ACOT7: variants seen among roughly 807,000 people sequenced by gnomAD.
The protein encoded by ACOT7 is acyl-CoA thioesterase 7, also known as cytosolic acyl coenzyme A thioester hydrolase.
A neutral mutation model predicts 40.2 loss-of-function variants in ACOT7; 12 were observed. The ratio of observed to expected loss-of-function variants is 0.30; its 90% CI spans 0.19 to 0.48. The LOEUF (loss-of-function observed/expected upper bound fraction) is 0.48. ACOT7 is among the 20% of genes least tolerant of loss of function. The pLI, the probability that ACOT7 is intolerant of heterozygous loss-of-function variation, is 0.99. For synonymous variants in ACOT7, 228 were observed against 219.5 expected, an observed-to-expected ratio of 1.04 and a Z score of -0.34; for missense variants, 395 against 530.8, an observed-to-expected ratio of 0.74 and a Z score of 2.51.
At chr1:6,318,399 A>G in intron 6 of ACOT7, 93 bp downstream of exon 6, 1 of 1,359,082 alleles carries the variant, frequency 7.4e-7, no homozygotes, top group South Asian at 1.2e-5. Flanking sequence ...CAAACACAAG[A>G]GCCTCAAGTG....
intron 1 of ACOT7, among the ~76,000 whole-genome samples, chr1:6,360,012 GA>G (rs1641852470): frequency 6.6e-6 from 1 of 152,266 alleles, no homozygotes; most frequent in Admixed American, 6.5e-5. Context: ...CTGAGCCTGG[GA>G]AGTCACTCTG....
At chr1:6,341,740 T>C (rs866097738) in intron 2 of ACOT7, among the ~76,000 whole-genome samples, 91 of 151,480 alleles carry the variant, frequency 6.0e-4, no homozygotes, top group African/African-American at 2.2e-3. Context: ...AGACTCCGTC[T>C]CAAAAAAAAA....
chr1:6,368,487 C>T (rs1223618172), intron 1 of ACOT7, among the ~76,000 whole-genome samples: 1 of 152,222 alleles, frequency 6.6e-6, no homozygotes, highest in Non-Finnish European at 1.5e-5. Flanking sequence ...ACCCCAGGCC[C>T]AGCTCCACCT....
intron 2 of ACOT7, among the ~76,000 whole-genome samples, chr1:6,346,364 A>T (rs1641421237): frequency 6.6e-6 from 1 of 152,230 alleles, no homozygotes; most frequent in Non-Finnish European, 1.5e-5. Flanking sequence ...AGCTTCCCAA[A>T]GTGCTGGGAT....
chr1:6,270,012 G>T (rs889879249), intron 8 of ACOT7, among the ~76,000 whole-genome samples: 1 of 152,274 alleles, frequency 6.6e-6, no homozygotes, highest in East Asian at 1.9e-4. Context: ...ACCACCCAGG[G>T]GGAGGTGGAA....
rs1413748241 is a variant in ACOT7 at position 6,294,087 on chromosome 1, G to T, written c.829+777C>A. On this transcript the variant is annotated intron_variant, in intron 7 of 8. Transcript: ENST00000361521. The surrounding 1 kb of genome is among the most constrained non-coding windows in gnomAD (Gnocchi z 4.6). ...TCCTCCAACAAGCCGCTTTAATGAG[G>T]TGGTGTCCTCAGAATCAGCACCAGG... Among the ~76,000 whole-genome samples, 1 of 152,230 alleles carries T rather than the reference G, an allele frequency of 6.6e-6. No homozygotes were observed. Among genetic ancestry groups the T allele is most frequent in the Non-Finnish European group, 1.5e-5 (1 of 68,044 alleles).
intron 6 of ACOT7, 26 bp from the exon 7 acceptor site, chr1:6,295,006 A>G (rs56235663): frequency 0.043 from 66,293 of 1,549,664 alleles, 1,645 homozygotes; most frequent in Non-Finnish European, 0.048. Flanking sequence ...CATGCGGCAG[A>G]TGAGACACGG....
At chr1:6,372,207 C>T (rs1317626674) in intron 1 of ACOT7, among the ~76,000 whole-genome samples, 1 of 152,216 alleles carries the variant, frequency 6.6e-6, no homozygotes, top group Non-Finnish European at 1.5e-5. Context: ...GAACCAACCT[C>T]TGTTAGCTTC....
rs934252282 is a variant in ACOT7 at position 6,306,528 on chromosome 1, G to T, written c.713-11548C>A. On this transcript the variant is annotated intron_variant, in intron 6 of 8. Coordinates refer to ENST00000361521, the MANE Select transcript of ACOT7 (RefSeq NM_007274.4). The surrounding 1 kb of genome is among the most constrained non-coding windows in gnomAD (Gnocchi z 4.3). ...GCTCCCCCGCTGAAGCATCAGGATG[G>T]ACGTGAAGCTGTTCTTCAGAACAGA... is the stretch of plus-strand genomic sequence containing the variant. 1.0e-6 allele frequency: 1 copy of T among 985,302 alleles called. No individual in the cohort carries two copies. Among genetic ancestry groups the T allele is most frequent in the Admixed American group, 6.1e-5 (1 of 16,274 alleles). The allele number at this position is 985,302 out of a possible 1,614,324, so 61.0% of individuals were successfully genotyped here.
At chr1:6,333,191 C>T (rs1163118159) in intron 4 of ACOT7, among the ~76,000 whole-genome samples, 1 of 152,236 alleles carries the variant, frequency 6.6e-6, no homozygotes, top group East Asian at 1.9e-4. Flanking sequence ...GGCCAGCTTG[C>T]GCTCACATTC....
At chr1:6,322,713 C>A (rs1261508309) in intron 5 of ACOT7, among the ~76,000 whole-genome samples, 1 of 152,202 alleles carries the variant, frequency 6.6e-6, no homozygotes, top group Non-Finnish European at 1.5e-5. Flanking sequence ...AACTTAATTA[C>A]CTCTTTAAAG....
intron 1 of ACOT7, among the ~76,000 whole-genome samples, chr1:6,375,466 G>A (rs1249983149): frequency 6.6e-6 from 1 of 152,176 alleles, no homozygotes; most frequent in Non-Finnish European, 1.5e-5. Flanking sequence ...CCAGGAGTTA[G>A]AGACCAGTCT....
rs576074458 is a variant in ACOT7 at position 6,368,067 on chromosome 1, G to A, written c.144-18201C>T. ...TTATGGGCCTCAGAGTGGAGGAAGT[G>A]TGTGTTGACTGGTCCATGGGTGGGC... On this transcript the variant is annotated intron_variant, in intron 1 of 8. Transcript: ENST00000361521. 5.9e-5 allele frequency among the ~76,000 whole-genome samples: 9 copies of A among 152,224 alleles called. No homozygotes were observed. The South Asian group carries it at 1.7e-3, about 28-fold the overall frequency.
intron 7 of ACOT7, among the ~76,000 whole-genome samples, chr1:6,293,082 G>A (rs1639718901): frequency 2.0e-5 from 3 of 152,054 alleles, no homozygotes; most frequent in Admixed American, 6.5e-5. Flanking sequence ...GTAGAGACAG[G>A]TTTTCACCAT....
At chr1:6,325,912 A>C (rs551618613) in intron 5 of ACOT7, among the ~76,000 whole-genome samples, 73 of 152,300 alleles carry the variant, frequency 4.8e-4, no homozygotes, top group Admixed American at 2.4e-3. Context: ...GGTGGACCCC[A>C]GAGTGGAGCC....
intron 1 of ACOT7, among the ~76,000 whole-genome samples, chr1:6,374,484 A>C (rs541402951): frequency 6.6e-6 from 1 of 152,340 alleles, no homozygotes; most frequent in East Asian, 1.9e-4. Flanking sequence ...CTGTGGGGAG[A>C]AGCTGAGCTC....
intron 1 of ACOT7, among the ~76,000 whole-genome samples, chr1:6,376,295 C>T (rs367558008): frequency 3.3e-4 from 50 of 151,926 alleles, no homozygotes; most frequent in African/African-American, 1.1e-3. Flanking sequence ...TAGCCAGGCA[C>T]AGTAGGGTGC....
At position 6,393,469 on chromosome 1, in the gene ACOT7, G is replaced by A. The variant is rs1234272584; in HGVS notation, c.-70C>T. ...GCCTGCGCGCCGGGGGCAATCGAAC[G>A]CGGCCTCCCCGCGCCGACCCCGCCC... is the stretch of plus-strand genomic sequence containing the variant. On this transcript the variant is annotated 5_prime_UTR_variant, in exon 1 of 9. Transcript: ENST00000361521. 4.2e-6 allele frequency: 5 copies of A among 1,185,254 alleles called. No homozygotes were observed. The highest frequency in any genetic ancestry group is 3.4e-5 in the East Asian group (1 of 29,710). 73.4% of individuals were successfully genotyped at this position (1,185,254 alleles called of 1,614,324 possible). A position where few individuals can be genotyped will look rare whatever the true frequency, so the allele number is the denominator to read the frequency against.
intron 4 of ACOT7, among the ~76,000 whole-genome samples, chr1:6,331,878 A>T (rs1640962470): frequency 6.6e-6 from 1 of 152,174 alleles, no homozygotes; most frequent in Non-Finnish European, 1.5e-5. Context: ...TCAGACACGG[A>T]GCTGGGGACA....
Sources: gnomAD v4.1 joint callset for allele counts (sites outside exome capture counted in the v4.1 genomes callset) on GRCh38, gnomAD v4.1.1 for gene constraint, Gnocchi (gnomAD v3.1) non-coding constraint, MANE v1.5 for transcripts, NCBI Gene and HGNC (gene_info 2026-07-23, HGNC 2026-07-21) for gene names.